The following HTD2 variants were observed in gnomAD, a reference collection of about 807,000 sequenced individuals.
The protein encoded by HTD2 is hydroxyacyl-thioester dehydratase type 2, also known as hydroxyacyl-thioester dehydratase type 2, mitochondrial.
A neutral mutation model predicts 3.1 loss-of-function variants in HTD2; 1 was observed. The observed-to-expected ratio is 0.32, with a 90% CI of 0.11 to 1.52. The LOEUF (loss-of-function observed/expected upper bound fraction) is 1.52, where lower values mean the gene tolerates loss of function less well. HTD2 is among the 40% of genes most tolerant of loss of function. The pLI, the probability that HTD2 is intolerant of heterozygous loss-of-function variation, is 0.39. For synonymous variants in HTD2, 50 were observed against 28.9 expected (o/e 1.73, Z -2.34); for missense variants, 150 against 79.6 (o/e 1.88, Z -3.36).
At chr3:58,317,380 A>G in intron 4 of HTD2, 60 bp from the exon 5 acceptor site, 1 of 1,131,326 alleles carries the variant, frequency 8.8e-7, no homozygotes, top group Non-Finnish European at 1.3e-6. Flanking sequence ...ATGTTTCCCC[A>G]TTGCCCTGTG....
chr3:58,315,396 GTGTGGC>G (rs2097487197), intron 2 of HTD2, among the ~76,000 whole-genome samples: 1 of 151,570 alleles, frequency 6.6e-6, no homozygotes, highest in Non-Finnish European at 1.5e-5. Context: ...GGAGGGGTGG[GTGTGGC>G]TGTAAAGGGT....
At chr3:58,317,274 CTT>C (rs1432197647) in intron 4 of HTD2, among the ~76,000 whole-genome samples, 164 bp from the exon 5 acceptor site, 1 of 152,148 alleles carries the variant, frequency 6.6e-6, no homozygotes, top group South Asian at 2.1e-4. Flanking sequence ...TTGGTACGCT[CTT>C]TTTGAGATGT....
rs963120272 is a variant in HTD2 at position 58,306,556 on chromosome 3, G to C, written c.-511G>C. 6.6e-6 allele frequency: 1 copy of C among 152,256 alleles called. No homozygotes were observed. Among genetic ancestry groups the C allele is most frequent in the Non-Finnish European group, 1.5e-5 (1 of 68,048 alleles). 9.4% of individuals were successfully genotyped at this position (152,256 alleles called of 1,614,324 possible). ...CCCCGGGCGCTGAGGGCCTCTGTAC[G>C]GCGCCGCGTAGGGTCTCGGCCGCAG... On this transcript the variant is annotated 5_prime_UTR_variant, in exon 1 of 5. Transcript: ENST00000461393.
rs1163219666 is a variant in HTD2 at position 58,318,047 on chromosome 3, C to CT, written c.435dup (p.Val146CysfsTer5). On this transcript the variant is annotated frameshift_variant, in exon 5 of 5. Coordinates refer to ENST00000461393, the MANE Select transcript of HTD2 (RefSeq NM_001348712.2). LOFTEE classifies it high-confidence loss of function. ...ATTGCTATTATTGCAGTGTCATGTT[C>CT]TGTAATAGAAAGTAAAAAGACTGTT... The CT allele has an allele frequency of 1.4e-6, 1 of 697,708 alleles. No individual in the cohort carries two copies. Among genetic ancestry groups the CT allele is most frequent in the Admixed American group, 2.1e-5 (1 of 48,376 alleles). The allele number at this position is 697,708 out of a possible 1,614,324, so 43.2% of individuals were successfully genotyped here. A position where few individuals can be genotyped will look rare whatever the true frequency, so the allele number is the denominator to read the frequency against.
Position 58,319,886 on chromosome 3 carries a change from C to T in HTD2, c.*1766C>T, listed in dbSNP as rs573172696. The T allele has an allele frequency of 6.6e-6, 1 of 152,120 alleles. No homozygotes were observed. The highest frequency in any genetic ancestry group is 2.4e-5 in the African/African-American group (1 of 41,508). 9.4% of individuals were successfully genotyped at this position (152,120 alleles called of 1,614,324 possible). On this transcript the variant is annotated 3_prime_UTR_variant, in exon 5 of 5. Coordinates refer to ENST00000461393, the MANE Select transcript of HTD2 (RefSeq NM_001348712.2). ...TAAAAGTGTACAGTTTAGTGGTTTT[C>T]AGAATATCCACAAAGTTGTACAACC... is the stretch of plus-strand genomic sequence containing the variant.
At chr3:58,313,744 G>C (rs2097484942) in intron 2 of HTD2, among the ~76,000 whole-genome samples, 1 of 152,212 alleles carries the variant, frequency 6.6e-6, no homozygotes, top group African/African-American at 2.4e-5. Flanking sequence ...AGGATTGCTT[G>C]AGCCCAAGAG....
rs563835160 is a variant in HTD2, at chr3:58,311,675, T to C, written c.-331+1084T>C. ...CACTTAAGTTCTACATTTTGCCTAT[T>C]GGGAATACAATAAATATGAGAGTGC... On this transcript the variant is annotated intron_variant, in intron 2 of 4. Coordinates refer to ENST00000461393, the MANE Select transcript of HTD2 (RefSeq NM_001348712.2). Among the ~76,000 whole-genome samples, 26 of 129,234 alleles carry C rather than the reference T, an allele frequency of 2.0e-4. No homozygotes were observed. In the East Asian group the frequency reaches 0.015, roughly 73 times the overall value. 84.8% of individuals were successfully genotyped at this position (129,234 alleles called of 152,430 possible).
intron 1 of HTD2, among the ~76,000 whole-genome samples, chr3:58,308,611 C>G (rs2097478337): frequency 6.6e-6 from 1 of 152,186 alleles, no homozygotes; most frequent in Non-Finnish European, 1.5e-5. Flanking sequence ...GATGTAGCTC[C>G]TTGACCCTGA....
rs759969360 is a variant in HTD2, at chr3:58,310,480, GA to G, written c.-415-26del. On this transcript the variant is annotated intron_variant, in intron 1 of 4. Coordinates refer to ENST00000461393, the MANE Select transcript of HTD2 (RefSeq NM_001348712.2). ...ATCTGAATAGAATGAAATTTAATAT[GA>G]CTTTTTTTTTTTTCACTTTTTTTAG... 1.1e-5 allele frequency: 17 copies of G among 1,515,616 alleles called. 1 individual carries two copies. Among genetic ancestry groups the G allele is most frequent in the South Asian group, 7.2e-5 (6 of 83,162 alleles). The allele number at this position is 1,515,616 out of a possible 1,614,324, so 93.9% of individuals were successfully genotyped here.
At chr3:58,309,349 C>T (rs1442861828) in intron 1 of HTD2, among the ~76,000 whole-genome samples, 2 of 152,192 alleles carry the variant, frequency 1.3e-5, no homozygotes, top group Non-Finnish European at 2.9e-5. Flanking sequence ...TCTGTGTCAT[C>T]TTCTCGAAAA....
Position 58,319,563 on chromosome 3 carries a change from T to C in HTD2, c.*1443T>C, listed in dbSNP as rs990086900. The C allele has an allele frequency of 1.3e-5, 2 of 151,998 alleles. No homozygotes were observed. Among genetic ancestry groups the C allele is most frequent in the East Asian group, 1.9e-4 (1 of 5,180 alleles). The allele number at this position is 151,998 out of a possible 1,614,324, so 9.4% of individuals were successfully genotyped here. ...GTGTTCTTAAGTACAGTTTCTGTTA[T>C]AAAAGTTCAGATTATTCCTTGAAAA... On this transcript the variant is annotated 3_prime_UTR_variant, in exon 5 of 5. Transcript: ENST00000461393.
chr3:58,314,373 T>A (rs2097485951), intron 2 of HTD2, among the ~76,000 whole-genome samples: 2 of 151,828 alleles, frequency 1.3e-5, no homozygotes, highest in African/African-American at 4.8e-5. Context: ...GTAATAATAA[T>A]AAAAAAGAAG....
Position 58,317,695 on chromosome 3 carries a change from C to T in HTD2, c.82C>T (p.Leu28=). 1.4e-6 allele frequency: 1 copy of T among 704,602 alleles called. No individual in the cohort carries two copies. The allele number at this position is 704,602 out of a possible 1,614,324, so 43.6% of individuals were successfully genotyped here. A position where few individuals can be genotyped will look rare whatever the true frequency, so the allele number is the denominator to read the frequency against. ...TVCLNLPVLT[L]QHFQHMHIKV... is the part of the protein sequence containing the mutation. The stretch of plus-strand genomic sequence containing the variant: ...CTGTCTGAACCTGCCAGTGCTGACC[C>T]TGCAGCACTTTCAGCATATGCACAT... The change falls in exon 5 of 5, where the codon CTG becomes TTG. Residue 28 remains leucine, a synonymous_variant. Coordinates refer to ENST00000461393, the MANE Select transcript of HTD2 (RefSeq NM_001348712.2).
In HTD2 at chr3:58,319,881, G is replaced by T. The variant is rs2097492706; in HGVS notation, c.*1761G>T. 6.6e-6 allele frequency: 1 copy of T among 152,008 alleles called. No homozygotes were observed. Among genetic ancestry groups the T allele is most frequent in the South Asian group, 2.1e-4 (1 of 4,824 alleles). 9.4% of individuals were successfully genotyped at this position (152,008 alleles called of 1,614,324 possible). ...CCTTTTAAAAGTGTACAGTTTAGTG[G>T]TTTTCAGAATATCCACAAAGTTGTA... On this transcript the variant is annotated 3_prime_UTR_variant, in exon 5 of 5. Transcript: ENST00000461393.
At chr3:58,313,536 G>A (rs186119925) in intron 2 of HTD2, among the ~76,000 whole-genome samples, 1 of 152,306 alleles carries the variant, frequency 6.6e-6, no homozygotes, top group East Asian at 1.9e-4. Flanking sequence ...TTAAGAGGAT[G>A]AAAGGGCCAG....
chr3:58,308,817 G>A (rs1160637847), intron 1 of HTD2, among the ~76,000 whole-genome samples: 4 of 152,098 alleles, frequency 2.6e-5, no homozygotes, highest in African/African-American at 9.7e-5. Flanking sequence ...CATAACATGG[G>A]GGCTTAACTT....
At position 58,316,520 on chromosome 3, in the gene HTD2, T is replaced by G; in HGVS notation, c.-325T>G. ...TAGCATTATTCCATATGCAGGTTGA[T>G]GCCGCCTTACCTTTGGACATCCTAA... On this transcript the variant is annotated 5_prime_UTR_variant, in exon 3 of 5. The change abolishes an upstream ATG in the 5' untranslated region. Transcript: ENST00000461393. 3 of 1,613,892 alleles carry G rather than the reference T, an allele frequency of 1.9e-6. No homozygotes were observed. The South Asian group carries it at 3.3e-5, about 18-fold the overall frequency.
chr3:58,306,756 A>G (rs1473683766), intron 1 of HTD2, 105 bp downstream of exon 1: 3 of 152,022 alleles, frequency 2.0e-5, no homozygotes, highest in Admixed American at 2.0e-4. Flanking sequence ...CAAAAATTGT[A>G]CGTCGCACGC....
At chr3:58,312,214 C>G (rs960687397) in intron 2 of HTD2, among the ~76,000 whole-genome samples, 1 of 152,126 alleles carries the variant, frequency 6.6e-6, no homozygotes, top group Non-Finnish European at 1.5e-5. Context: ...CATTTACATT[C>G]CTCCCAGTAG....
Sources: allele counts gnomAD v4.1 joint callset (sites outside exome capture counted in the v4.1 genomes callset), GRCh38; gene constraint gnomAD v4.1.1; transcripts MANE v1.5; gene names NCBI Gene and HGNC (gene_info 2026-07-23, HGNC 2026-07-21).